The following ACIN1 variants were observed in gnomAD, a reference collection of about 807,000 sequenced individuals.
The protein encoded by ACIN1 is apoptotic chromatin condensation inducer in the nucleus.
A neutral mutation model predicts 146.6 loss-of-function variants in ACIN1; 16 were observed. The ratio of observed to expected loss-of-function variants is 0.11; its 90% CI spans 0.07 to 0.17. The LOEUF is 0.17. Ranked by LOEUF, ACIN1 falls within the 10% of genes least tolerant of loss-of-function variation. The probability of loss-of-function intolerance (pLI) is 1.00; values close to 1 mark genes in which losing one functional copy is unlikely to be tolerated. For missense variants in ACIN1, 1,357 were observed against 1,609.3 expected, an observed-to-expected ratio of 0.84 and a Z score of 2.68; for synonymous variants, 569 against 582.7, an observed-to-expected ratio of 0.98 and a Z score of 0.34.
chr14:23,095,155 C>A, upstream of ACIN1: 3 of 1,614,254 alleles, frequency 1.9e-6, no homozygotes, highest in Non-Finnish European at 2.5e-6. Context: ...CTTCGGGCAT[C>A]TTCGGTAATT....
At chr14:23,084,127 A>G (rs1005688448) in intron 4 of ACIN1, among the ~76,000 whole-genome samples, 1 of 152,000 alleles carries the variant, frequency 6.6e-6, no homozygotes, top group African/African-American at 2.4e-5. Context: ...TTGTATTTTT[A>G]GTAGAGACGG....
At chr14:23,077,249 T>C (rs1339773405) in intron 8 of ACIN1, among the ~76,000 whole-genome samples, 1 of 152,190 alleles carries the variant, frequency 6.6e-6, no homozygotes, top group Non-Finnish European at 1.5e-5. Flanking sequence ...CAATTACATA[T>C]AGGGGAAATC....
chr14:23,093,427 T>C, intron 2 of ACIN1, 52 bp downstream of exon 2: 1 of 1,530,392 alleles, frequency 6.5e-7, no homozygotes, highest in East Asian at 2.3e-5. Context: ...CGTCCTTCCA[T>C]GTGTCTGGAT....
chr14:23,094,732 C>G, intron 1 of ACIN1: 1 of 696,084 alleles, frequency 1.4e-6, no homozygotes, highest in Non-Finnish European at 2.3e-6. Flanking sequence ...GAGCTTAAGA[C>G]ACTCCTGGAG....
At position 23,079,021 on chromosome 14, in the gene ACIN1, G is replaced by A; in HGVS notation, c.1806C>T (p.Val602=). ...SNSRKSLSPG[V]SRDSSTSYTE... ...TATAGCTGGTGCTGCTGTCCCTGGA[G>A]ACTCCAGGGCTCAGAGACTAAAACA... Residue 602 remains valine, a synonymous_variant, in exon 7 of 19, where the codon GTC becomes GTT. Coordinates refer to ENST00000605057, the MANE Select transcript of ACIN1 (RefSeq NM_001386863.1). 6.2e-7 allele frequency: 1 copy of A among 1,614,134 alleles called. No individual in the cohort carries two copies.
chr14:23,090,004 C>T lies in ACIN1; in HGVS notation c.414G>A (p.Leu138=). ...DFQSSLERPE[L]ELSRHSPRKS... is the part of the protein sequence containing the mutation. ...TACTGGGCGAATGTCTGCTGAGCTC[C>T]AGCTCTGGTCTCTCCAGGCTGCTCT... The change falls in exon 4 of 19, where the codon CTG becomes CTA. Residue 138 remains leucine (L), a synonymous_variant. Transcript: ENST00000605057. The T allele has an allele frequency of 6.2e-7, 1 of 1,612,856 alleles. No individual in the cohort carries two copies. Among genetic ancestry groups the T allele is most frequent in the Non-Finnish European group, 8.5e-7 (1 of 1,179,488 alleles).
intron 2 of ACIN1, among the ~76,000 whole-genome samples, chr14:23,092,357 G>A (rs368283797): frequency 2.2e-4 from 31 of 138,228 alleles, no homozygotes; most frequent in African/African-American, 7.3e-4. Context: ...TTACAGAATA[G>A]GCATGTTTGC....
At position 23,068,483 on chromosome 14, in the gene ACIN1, G is replaced by C. The variant is rs746848193; in HGVS notation, c.2265+993C>G. 5.2e-5 allele frequency: 51 copies of C among 985,880 alleles called. No individual in the cohort carries two copies. Among genetic ancestry groups the C allele is most frequent in the East Asian group, 1.1e-4 (1 of 8,814 alleles). The allele number at this position is 985,880 out of a possible 1,614,324, so 61.1% of individuals were successfully genotyped here. A position where few individuals can be genotyped will look rare whatever the true frequency, so the allele number is the denominator to read the frequency against. On this transcript the variant is annotated intron_variant, in intron 9 of 18. Transcript: ENST00000605057. This position sits in a 1 kb window ranked among gnomAD's most constrained non-coding sequence, Gnocchi z 4.3. ...TGGCCCCCTGATGTAAGCAAGACAGGGAGGCAAAAGGGGGCCCATCACAGG... is the reference window on the plus strand; with the variant it reads ...TGGCCCCCTGATGTAAGCAAGACAGCGAGGCAAAAGGGGGCCCATCACAGG...
chr14:23,068,239 A>G lies in ACIN1; in HGVS notation c.2265+1237T>C. 2 of 985,824 alleles carry G rather than the reference A, an allele frequency of 2.0e-6. No individual in the cohort carries two copies. The highest frequency in any genetic ancestry group is 2.4e-6 in the Non-Finnish European group (2 of 829,946). The allele number at this position is 985,824 out of a possible 1,614,324, so 61.1% of individuals were successfully genotyped here. A position where few individuals can be genotyped will look rare whatever the true frequency, so the allele number is the denominator to read the frequency against. ...TTTACAGCATGGCACTGCGATCACA[A>G]ACTTTAGGAGGTCTTGGTGCCCTAG... On this transcript the variant is annotated intron_variant, in intron 9 of 18. Coordinates refer to ENST00000605057, the MANE Select transcript of ACIN1 (RefSeq NM_001386863.1). This position sits in a 1 kb window ranked among gnomAD's most constrained non-coding sequence, Gnocchi z 4.3.
intron 1 of ACIN1, chr14:23,094,729 A>C: frequency 1.4e-6 from 1 of 696,892 alleles, no homozygotes; most frequent in Non-Finnish European, 2.3e-6. Context: ...AAGGAGCTTA[A>C]GACACTCCTG....
At chr14:23,093,696 A>G in intron 1 of ACIN1, 152 bp from the exon 2 acceptor site, 1 of 640,946 alleles carries the variant, frequency 1.6e-6, no homozygotes, top group Non-Finnish European at 2.7e-6. Context: ...ACCCTTTACT[A>G]ACACTGTTCT....
At chr14:23,093,261 T>C (rs1028438427) in intron 2 of ACIN1, among the ~76,000 whole-genome samples, 1 of 152,244 alleles carries the variant, frequency 6.6e-6, no homozygotes, top group Non-Finnish European at 1.5e-5. Context: ...TTTCAATTAT[T>C]ATAAACTAAC....
At chr14:23,073,340 G>A (rs59709299) in intron 8 of ACIN1, among the ~76,000 whole-genome samples, 4,213 of 152,260 alleles carry the variant, frequency 0.028, 208 homozygotes, top group African/African-American at 0.096. Flanking sequence ...GGTACCAAGT[G>A]GACACTTACT....
intron 8 of ACIN1, chr14:23,077,908 T>C (rs889068846): frequency 3.4e-6 from 1 of 296,008 alleles, no homozygotes; most frequent in Non-Finnish European, 6.3e-6. Context: ...CTTAAAGGAG[T>C]TGACTATTTT....
intron 8 of ACIN1, among the ~76,000 whole-genome samples, chr14:23,071,954 T>C (rs1022951535): frequency 1.3e-5 from 2 of 152,154 alleles, no homozygotes; most frequent in Non-Finnish European, 2.9e-5. Context: ...AGGATGGTAA[T>C]GAAAGCTGGA....
chr14:23,082,437 AT>A lies in ACIN1; in HGVS notation c.437-602del, dbSNP rs11378976. On this transcript the variant is annotated intron_variant, in intron 4 of 18. Coordinates refer to ENST00000605057, the MANE Select transcript of ACIN1 (RefSeq NM_001386863.1). The stretch of plus-strand genomic sequence containing the variant: ...TAGGTTTTATGTATTAGAGCTCAAT[AT>A]TTTTTTTTTTTTTTTTTTTTTTTCT... Among the ~76,000 whole-genome samples the A allele has an allele frequency of 1.6e-3, 157 of 95,814 alleles. 1 individual carries two copies. The highest frequency in any genetic ancestry group is 5.6e-3 in the East Asian group (18 of 3,242). 62.9% of individuals were successfully genotyped at this position (95,814 alleles called of 152,430 possible).
At position 23,078,259 on chromosome 14, in the gene ACIN1, G is replaced by A; in HGVS notation, c.2015C>T (p.Pro672Leu). 1 of 1,614,016 alleles carries A rather than the reference G, an allele frequency of 6.2e-7. No individual in the cohort carries two copies. Residue 672 changes from proline (P) to leucine (L), a missense_variant, in exon 8 of 19, where the codon CCA (proline) becomes CTA (leucine). Coordinates refer to ENST00000605057, the MANE Select transcript of ACIN1 (RefSeq NM_001386863.1). ...TQRLQPERGS[P>L]KKCEAEEAEP... Reference sequence around the variant, plus strand: ...TGCCTCTTCAGCTTCACACTTCTTTGGGCTCCCCTGTCAGGAGATAGCAAA... The same window carrying A: ...TGCCTCTTCAGCTTCACACTTCTTTAGGCTCCCCTGTCAGGAGATAGCAAA...
chr14:23,089,814 A>C (rs1233493028), intron 4 of ACIN1, among the ~76,000 whole-genome samples, 168 bp downstream of exon 4: 1 of 152,256 alleles, frequency 6.6e-6, no homozygotes, highest in African/African-American at 2.4e-5. Context: ...AGGTGAAAGC[A>C]GACTTCAAAA....
Position 23,079,030 on chromosome 14 carries a change from G to A in ACIN1, c.1797C>T (p.Ser599=), listed in dbSNP as rs1160591602. 2 of 1,613,508 alleles carry A rather than the reference G, an allele frequency of 1.2e-6. No individual in the cohort carries two copies. The highest frequency in any genetic ancestry group is 1.7e-5 in the Admixed American group (1 of 59,932). The part of the protein sequence containing the change: ...SASSNSRKSL[S]PGVSRDSSTS... ...TGCTGCTGTCCCTGGAGACTCCAGG[G>A]CTCAGAGACTAAAACAAAATGAAAC... The change falls in exon 7 of 19, where the codon AGC becomes AGT. Residue 599 remains serine (S), a synonymous_variant. Coordinates refer to ENST00000605057, the MANE Select transcript of ACIN1 (RefSeq NM_001386863.1).
Sources: gnomAD v4.1 joint callset for allele counts (sites outside exome capture counted in the v4.1 genomes callset) on GRCh38, gnomAD v4.1.1 for gene constraint, Gnocchi (gnomAD v3.1) non-coding constraint, MANE v1.5 for transcripts, NCBI Gene and HGNC (gene_info 2026-07-23, HGNC 2026-07-21) for gene names.